Variants in RAP1GDS1 observed in about 807,000 individuals in gnomAD.
RAP1GDS1 encodes RAP1, GTP-GDP dissociation stimulator 1.
Under a neutral mutation model 71.1 loss-of-function variants are expected in RAP1GDS1, and 35 were observed. The observed-to-expected ratio is 0.49, with a 90% CI of 0.38 to 0.65. RAP1GDS1 has a LOEUF of 0.65. Ranked by LOEUF, RAP1GDS1 falls within the 30% of genes least tolerant of loss-of-function variation. RAP1GDS1 has a pLI of 0.00. For synonymous variants in RAP1GDS1, 229 were observed against 243.1 expected, an observed-to-expected ratio of 0.94 and a Z score of 0.54; for missense variants, 663 against 706.1, an observed-to-expected ratio of 0.94 and a Z score of 0.69.
chr4:98,367,658 G>A (rs534566223), intron 4 of RAP1GDS1, among the ~76,000 whole-genome samples: 9 of 152,348 alleles, frequency 5.9e-5, no homozygotes, highest in East Asian at 3.9e-4. Flanking sequence ...TTGCATCAGC[G>A]TGACTTGGAT....
At chr4:98,399,767 A>C (rs952491469) in intron 6 of RAP1GDS1, among the ~76,000 whole-genome samples, 4 of 152,198 alleles carry the variant, frequency 2.6e-5, no homozygotes, top group African/African-American at 9.6e-5. Flanking sequence ...TATTATTAAA[A>C]AGACAAAAGT....
At chr4:98,431,722 G>C (rs558558257) in intron 12 of RAP1GDS1, among the ~76,000 whole-genome samples, 1 of 152,210 alleles carries the variant, frequency 6.6e-6, no homozygotes, top group South Asian at 2.1e-4. Flanking sequence ...TTTTCTGCAG[G>C]ATAAAAATTT....
chr4:98,378,201 TTA>T (rs1383254390), intron 4 of RAP1GDS1, among the ~76,000 whole-genome samples: 2 of 151,926 alleles, frequency 1.3e-5, no homozygotes, highest in African/African-American at 4.8e-5. Flanking sequence ...TATTCTTCTT[TTA>T]ATTTATTTTC....
chr4:98,341,799 TATC>T (rs1251660568), intron 2 of RAP1GDS1, among the ~76,000 whole-genome samples: 1 of 152,218 alleles, frequency 6.6e-6, no homozygotes, highest in Non-Finnish European at 1.5e-5. Flanking sequence ...ACTGGAGTGT[TATC>T]ATTCCTTAAC....
At chr4:98,343,651 T>A (rs1390195433) in intron 3 of RAP1GDS1, among the ~76,000 whole-genome samples, 2 of 152,216 alleles carry the variant, frequency 1.3e-5, no homozygotes, top group African/African-American at 2.4e-5. Flanking sequence ...TCTTTTTTAG[T>A]TTGGCCTATT....
chr4:98,392,101 A>T (rs750659762), intron 6 of RAP1GDS1, 21 bp downstream of exon 6: 1 of 1,594,438 alleles, frequency 6.3e-7, no homozygotes, highest in Admixed American at 1.7e-5. Flanking sequence ...GTCATGAACC[A>T]CAAATGTAAT....
At chr4:98,420,214 G>A in intron 11 of RAP1GDS1, 70 bp downstream of exon 11, 1 of 1,312,888 alleles carries the variant, frequency 7.6e-7, no homozygotes, top group Admixed American at 2.8e-5. Flanking sequence ...GTTGAAAAAG[G>A]ACTTGTTTTT....
intron 2 of RAP1GDS1, among the ~76,000 whole-genome samples, chr4:98,297,766 A>AC (rs1475628475): frequency 6.6e-6 from 1 of 152,154 alleles, no homozygotes; most frequent in Non-Finnish European, 1.5e-5. Flanking sequence ...GTGGCCTGTA[A>AC]GTGTTCCAGT....
intron 1 of RAP1GDS1, 106 bp from the exon 2 acceptor site, chr4:98,293,302 C>A: frequency 1.4e-6 from 1 of 698,322 alleles, no homozygotes; most frequent in Non-Finnish European, 2.4e-6. Context: ...GGTTAATTTG[C>A]TATTATAGGA....
At chr4:98,321,787 A>G (rs1731960149) in intron 2 of RAP1GDS1, among the ~76,000 whole-genome samples, 1 of 133,628 alleles carries the variant, frequency 7.5e-6, no homozygotes, top group African/African-American at 2.9e-5. Flanking sequence ...CATGGAAAGG[A>G]ACAACCGGTA....
At position 98,341,861 on chromosome 4, in the gene RAP1GDS1, T is replaced by C. The variant is rs556109903; in HGVS notation, c.113-1278T>C. 6.6e-5 allele frequency among the ~76,000 whole-genome samples: 10 copies of C among 152,312 alleles called. No individual in the cohort carries two copies. In the South Asian group the frequency reaches 2.1e-3, roughly 32 times the overall value. ...TACAAGGAGCAGTGGTTTTTCACTT[T>C]CCTCAAACCCATGATTGGAAATACA... On this transcript the variant is annotated intron_variant, in intron 2 of 14. Transcript: ENST00000408927.
chr4:98,352,420 A>C, intron 3 of RAP1GDS1, 56 bp from the exon 4 acceptor site: 1 of 1,570,990 alleles, frequency 6.4e-7, no homozygotes, highest in African/African-American at 1.4e-5. Context: ...AGGGGAGATG[A>C]TTTATGTAAA....
At chr4:98,326,061 A>G (rs1260037570) in intron 2 of RAP1GDS1, among the ~76,000 whole-genome samples, 1 of 152,224 alleles carries the variant, frequency 6.6e-6, no homozygotes, top group African/African-American at 2.4e-5. Context: ...AAAGTGTCTC[A>G]TCTGTTCAGT....
chr4:98,415,109 A>G (rs765040526), intron 7 of RAP1GDS1, among the ~76,000 whole-genome samples: 1 of 152,172 alleles, frequency 6.6e-6, no homozygotes. Flanking sequence ...TGAGAAAAGA[A>G]TTCAGTGATA....
chr4:98,421,193 C>A, intron 11 of RAP1GDS1, 62 bp from the exon 12 acceptor site: 1 of 1,460,826 alleles, frequency 6.8e-7, no homozygotes, highest in Non-Finnish European at 9.3e-7. Flanking sequence ...CAAATCTGTA[C>A]GAATTATTTC....
intron 2 of RAP1GDS1, among the ~76,000 whole-genome samples, chr4:98,330,302 G>A (rs1408832857): frequency 6.6e-6 from 1 of 152,160 alleles, no homozygotes; most frequent in Non-Finnish European, 1.5e-5. Context: ...AACCGGTATC[G>A]TCATCATGGC....
intron 12 of RAP1GDS1, among the ~76,000 whole-genome samples, chr4:98,422,027 G>C (rs1748947453): frequency 6.6e-6 from 1 of 151,460 alleles, no homozygotes; most frequent in African/African-American, 2.4e-5. Flanking sequence ...GAAACCCCGG[G>C]TCTACTAAAA....
chr4:98,402,881 G>A (rs548028136), intron 6 of RAP1GDS1, among the ~76,000 whole-genome samples: 48 of 152,290 alleles, frequency 3.2e-4, no homozygotes, highest in Admixed American at 3.1e-3. Context: ...TTATAGTTTA[G>A]TGTGTAAGAT....
chr4:98,323,076 A>G (rs1314009509), intron 2 of RAP1GDS1, among the ~76,000 whole-genome samples: 1 of 151,794 alleles, frequency 6.6e-6, no homozygotes, highest in Non-Finnish European at 1.5e-5. Flanking sequence ...ACAATAAAAA[A>G]TGATAAAGGG....
Sources: gnomAD v4.1 joint callset for allele counts (sites outside exome capture counted in the v4.1 genomes callset) on GRCh38, gnomAD v4.1.1 for gene constraint, MANE v1.5 for transcripts, NCBI Gene and HGNC (gene_info 2026-07-23, HGNC 2026-07-21) for gene names.